The following TMEM151A variants were observed in gnomAD, a reference collection of about 807,000 sequenced individuals.
TMEM151A encodes the protein transmembrane protein 151.
Under a neutral mutation model 33.7 loss-of-function variants are expected in TMEM151A, and 21 were observed. The ratio of observed to expected loss-of-function variants is 0.62; its 90% confidence interval spans 0.44 to 0.90. TMEM151A has a LOEUF of 0.90. Ranked by LOEUF, TMEM151A falls within the 40% of genes least tolerant of loss-of-function variation. The pLI is 0.00. For synonymous variants in TMEM151A, 374 were observed against 330.3 expected (o/e 1.13, Z -1.43); for missense variants, 704 against 697.7 (o/e 1.01, Z -0.10).
rs1258835080 is a variant in TMEM151A, at chr11:66,296,583, G to A, written c.*930G>A. 2.0e-5 allele frequency: 3 copies of A among 152,586 alleles called. No individual in the cohort carries two copies. Among genetic ancestry groups the A allele is most frequent in the East Asian group, 1.9e-4 (1 of 5,180 alleles). 9.5% of individuals were successfully genotyped at this position (152,586 alleles called of 1,614,324 possible). On this transcript the variant is annotated 3_prime_UTR_variant, in exon 2 of 2. Coordinates refer to ENST00000327259, the MANE Select transcript of TMEM151A (RefSeq NM_153266.4). ...AGAGAGGAGTTCCTTCCCTTTCAACGAGGGCTTCCACGCCCTCTAAGGGGT... is the reference window on the plus strand; with the variant it reads ...AGAGAGGAGTTCCTTCCCTTTCAACAAGGGCTTCCACGCCCTCTAAGGGGT...
Position 66,295,231 on chromosome 11 carries a change from G to A in TMEM151A, c.985G>A (p.Val329Met), listed in dbSNP as rs774331814. ...FGASSPPPGA[V>M]PSGPPLSRVA... ...CGCCAGCTCGCCCCCGCCGGGGGCCGTGCCCAGCGGGCCCCCGCTGTCCCG... is the reference window on the plus strand; with the variant it reads ...CGCCAGCTCGCCCCCGCCGGGGGCCATGCCCAGCGGGCCCCCGCTGTCCCG... The change falls in exon 2 of 2, where the codon GTG becomes ATG. Residue 329 changes from valine to methionine, a missense_variant. Transcript: ENST00000327259. The A allele has an allele frequency of 1.3e-6, 2 of 1,563,864 alleles. No individual in the cohort carries two copies. Among genetic ancestry groups the A allele is most frequent in the East Asian group, 2.4e-5 (1 of 42,094 alleles).
At chr11:66,293,011 CGT>C (rs147445507) in intron 1 of TMEM151A, among the ~76,000 whole-genome samples, 7,767 of 151,460 alleles carry the variant, frequency 0.051, 277 homozygotes, top group Middle Eastern at 0.082. Flanking sequence ...GTGGTGTGTG[CGT>C]GTGTGTGTGT....
At chr11:66,294,223 G>A in intron 1 of TMEM151A, 99 bp from the exon 2 acceptor site, 10 of 1,523,214 alleles carry the variant, frequency 6.6e-6, no homozygotes, top group Non-Finnish European at 8.8e-6. Flanking sequence ...TGTAAAATGG[G>A]GCTCACGGTA....
At position 66,291,932 on chromosome 11, in the gene TMEM151A, C is replaced by CG; in HGVS notation, c.-77dup. On this transcript the variant is annotated 5_prime_UTR_variant, in exon 1 of 2. Coordinates refer to ENST00000327259, the MANE Select transcript of TMEM151A (RefSeq NM_153266.4). ...GGCCGCTGAGCCGAGCGGACGCCCC[C>CG]GGGGGCCGCGTCGCAGCCCTCCGTG... is the stretch of plus-strand genomic sequence containing the variant. The CG allele has an allele frequency of 8.7e-7, 1 of 1,154,482 alleles. No homozygotes were observed. Among genetic ancestry groups the CG allele is most frequent in the Non-Finnish European group, 1.2e-6 (1 of 866,024 alleles). 71.5% of individuals were successfully genotyped at this position (1,154,482 alleles called of 1,614,324 possible).
chr11:66,295,514 G>A lies in TMEM151A; in HGVS notation c.1268G>A (p.Ser423Asn). 7.2e-7 allele frequency: 1 copy of A among 1,394,424 alleles called. No individual in the cohort carries two copies. Among genetic ancestry groups the A allele is most frequent in the South Asian group, 1.7e-5 (1 of 60,082 alleles). The allele number at this position is 1,394,424 out of a possible 1,614,324, so 86.4% of individuals were successfully genotyped here. ...RATPGVFRSL[S>N]GGPLGRRGED... ...ACGCCAGGGGTCTTCCGCAGCCTGAGCGGGGGGCCGCTGGGGCGCCGTGGA... is the reference window on the plus strand; with the variant it reads ...ACGCCAGGGGTCTTCCGCAGCCTGAACGGGGGGCCGCTGGGGCGCCGTGGA... Residue 423 changes from serine to asparagine, a missense_variant, in exon 2 of 2, where the codon AGC (serine) becomes AAC (asparagine). By Grantham distance (46) the Ser-to-Asn change is conservative. Around this residue, in one of 3 missense-constraint regions of TMEM151A, gnomAD observed 398 missense variants for 356.0 expected, o/e 1.12. Transcript: ENST00000327259.
Position 66,295,600 on chromosome 11 carries a change from C to G in TMEM151A, c.1354C>G (p.Leu452Val), listed in dbSNP as rs763666824. Reference protein sequence around the residue: ...CYEDALYFPVLIVHGDSGCQG... With the variant: ...CYEDALYFPVVIVHGDSGCQG... ...TGAGGACGCCCTCTACTTCCCGGTG[C>G]TCATTGTCCACGGAGACAGCGGCTG... Residue 452 changes from leucine (L) to valine (V), a missense_variant, in exon 2 of 2, where the codon CTC (leucine) becomes GTC (valine). Around this residue, in one of 3 missense-constraint regions of TMEM151A, gnomAD observed 398 missense variants for 356.0 expected, o/e 1.12. Transcript: ENST00000327259. 1 of 1,546,104 alleles carries G rather than the reference C, an allele frequency of 6.5e-7. No individual in the cohort carries two copies. Among genetic ancestry groups the G allele is most frequent in the Admixed American group, 2.0e-5 (1 of 51,144 alleles).
At position 66,293,706 on chromosome 11, in the gene TMEM151A, C is replaced by T. The variant is rs550866396; in HGVS notation, c.76-616C>T. Among the ~76,000 whole-genome samples, 15 of 152,302 alleles carry T rather than the reference C, an allele frequency of 9.8e-5. No homozygotes were observed. In the East Asian group the frequency reaches 2.7e-3, roughly 27 times the overall value. ...ATGGTGATCATATTTATTCCCATGG[C>T]CAGACCCTGTGCTCACTTCTTCACA... On this transcript the variant is annotated intron_variant, in intron 1 of 1. Coordinates refer to ENST00000327259, the MANE Select transcript of TMEM151A (RefSeq NM_153266.4).
Position 66,294,983 on chromosome 11 carries a change from A to T in TMEM151A, c.737A>T (p.Asn246Ile). ...LTQRARFFSA[N>I]EGLDDYLEAR... ...CAGCGGGCGCGCTTCTTCAGCGCCA[A>T]CGAGGGCCTGGACGACTATCTGGAG... is the stretch of plus-strand genomic sequence containing the variant. Residue 246 changes from asparagine (N) to isoleucine (I), a missense_variant, in exon 2 of 2, where the codon AAC becomes ATC. Around this residue, in one of 3 missense-constraint regions of TMEM151A, gnomAD observed 398 missense variants for 356.0 expected, o/e 1.12. Coordinates refer to ENST00000327259, the MANE Select transcript of TMEM151A (RefSeq NM_153266.4). The T allele has an allele frequency of 6.3e-7, 1 of 1,584,954 alleles. No homozygotes were observed. Among genetic ancestry groups the T allele is most frequent in the Non-Finnish European group, 8.5e-7 (1 of 1,172,510 alleles).
In TMEM151A at chr11:66,296,604, G is replaced by C. The variant is rs1023023600; in HGVS notation, c.*951G>C. ...CAACGAGGGCTTCCACGCCCTCTAA[G>C]GGGTGGCGGGGAAGGGAGGAGGCTG... On this transcript the variant is annotated 3_prime_UTR_variant, in exon 2 of 2. Transcript: ENST00000327259. 6.6e-6 allele frequency: 1 copy of C among 152,652 alleles called. No individual in the cohort carries two copies. Among genetic ancestry groups the C allele is most frequent in the African/African-American group, 2.4e-5 (1 of 41,434 alleles). The allele number at this position is 152,652 out of a possible 1,614,324, so 9.5% of individuals were successfully genotyped here. A position where few individuals can be genotyped will look rare whatever the true frequency, so the allele number is the denominator to read the frequency against.
rs1327863331 is a variant in TMEM151A at position 66,294,798 on chromosome 11, T to C, written c.552T>C (p.Ala184=). ...CCACGCAGGTGTACCATGAGCGCGC[T>C]GACAGCCGCACGGCCCGCGGCGAGT... is the stretch of plus-strand genomic sequence containing the variant. The part of the protein sequence containing the change: ...YTTTQVYHER[A]DSRTARGEFD... Residue 184 remains alanine (A), a synonymous_variant, in exon 2 of 2, where the codon GCT becomes GCC. Transcript: ENST00000327259. 1 of 1,543,840 alleles carries C rather than the reference T, an allele frequency of 6.5e-7. No homozygotes were observed. The highest frequency in any genetic ancestry group is 2.4e-5 in the East Asian group (1 of 40,934).
Position 66,295,734 on chromosome 11 carries a change from C to A in TMEM151A, c.*81C>A. ...ATGCCCGAGTGATTGTTGTCCAAAACAGGCGGGAAAACAGACCAGCCACAC... is the reference window on the plus strand; with the variant it reads ...ATGCCCGAGTGATTGTTGTCCAAAAAAGGCGGGAAAACAGACCAGCCACAC... On this transcript the variant is annotated 3_prime_UTR_variant, in exon 2 of 2. Transcript: ENST00000327259. 1 of 1,291,218 alleles carries A rather than the reference C, an allele frequency of 7.7e-7. No individual in the cohort carries two copies. The highest frequency in any genetic ancestry group is 2.0e-5 in the South Asian group (1 of 48,860). The allele number at this position is 1,291,218 out of a possible 1,614,324, so 80.0% of individuals were successfully genotyped here. A position where few individuals can be genotyped will look rare whatever the true frequency, so the allele number is the denominator to read the frequency against.
In TMEM151A at chr11:66,294,371, A is replaced by G. The variant is rs1173672257; in HGVS notation, c.125A>G (p.His42Arg). 1 of 1,611,150 alleles carries G rather than the reference A, an allele frequency of 6.2e-7. No individual in the cohort carries two copies. Among genetic ancestry groups the G allele is most frequent in the Admixed American group, 1.7e-5 (1 of 60,010 alleles). The part of the protein sequence containing the change: ...SLGSSLCRES[H>R]WKCLLLTLLI... Reference sequence around the variant, plus strand: ...GGAAGCTCCCTGTGCCGCGAGTCGCACTGGAAGTGCCTGCTCCTCACGCTG... The same window carrying G: ...GGAAGCTCCCTGTGCCGCGAGTCGCGCTGGAAGTGCCTGCTCCTCACGCTG... Residue 42 changes from histidine (H) to arginine (R), a missense_variant, in exon 2 of 2, where the codon CAC becomes CGC. Around this residue, in one of 3 missense-constraint regions of TMEM151A, gnomAD observed 301 missense variants for 323.4 expected, o/e 0.93. Transcript: ENST00000327259.
At chr11:66,293,537 T>C (rs779953140) in intron 1 of TMEM151A, among the ~76,000 whole-genome samples, 10 of 151,218 alleles carry the variant, frequency 6.6e-5, no homozygotes, top group Non-Finnish European at 1.3e-4. Flanking sequence ...AGATGGGGAG[T>C]GGAGGATGGC....
chr11:66,292,177 G>A lies in TMEM151A; in HGVS notation c.75+89G>A. The A allele has an allele frequency of 8.7e-7, 1 of 1,146,304 alleles. No homozygotes were observed. The highest frequency in any genetic ancestry group is 1.1e-6 in the Non-Finnish European group (1 of 871,594). 71.0% of individuals were successfully genotyped at this position (1,146,304 alleles called of 1,614,324 possible). A position where few individuals can be genotyped will look rare whatever the true frequency, so the allele number is the denominator to read the frequency against. On this transcript the variant is annotated intron_variant, in intron 1 of 1. Transcript: ENST00000327259. This position sits in a 1 kb window ranked among gnomAD's most constrained non-coding sequence, Gnocchi z 4.7. Reference sequence around the variant, plus strand: ...CGACCCCAAGAGAGGGGCTGAGGAGGGAAGTCCCAGAGCCCCTACGGCCAA... The same window carrying A: ...CGACCCCAAGAGAGGGGCTGAGGAGAGAAGTCCCAGAGCCCCTACGGCCAA...
At chr11:66,293,395 C>T (rs1246909465) in intron 1 of TMEM151A, among the ~76,000 whole-genome samples, 2 of 152,104 alleles carry the variant, frequency 1.3e-5, no homozygotes, top group Non-Finnish European at 2.9e-5. Context: ...TCCCTACCTG[C>T]TTCTCTCTCC....
In TMEM151A at chr11:66,292,161, G is replaced by T. The variant is rs932149732; in HGVS notation, c.75+73G>T. ...GGACCAGTGCAAAAGGCGACCCCAA[G>T]AGAGGGGCTGAGGAGGGAAGTCCCA... On this transcript the variant is annotated intron_variant, in intron 1 of 1. Coordinates refer to ENST00000327259, the MANE Select transcript of TMEM151A (RefSeq NM_153266.4). This position sits in a 1 kb window ranked among gnomAD's most constrained non-coding sequence, Gnocchi z 4.7. 2.4e-6 allele frequency: 3 copies of T among 1,249,974 alleles called. No homozygotes were observed. Among genetic ancestry groups the T allele is most frequent in the Non-Finnish European group, 2.1e-6 (2 of 963,496 alleles). The allele number at this position is 1,249,974 out of a possible 1,614,324, so 77.4% of individuals were successfully genotyped here.
Position 66,295,734 on chromosome 11 carries a change from C to G in TMEM151A, c.*81C>G. The G allele has an allele frequency of 7.7e-7, 1 of 1,291,220 alleles. No individual in the cohort carries two copies. Among genetic ancestry groups the G allele is most frequent in the Non-Finnish European group, 1.0e-6 (1 of 998,258 alleles). 80.0% of individuals were successfully genotyped at this position (1,291,220 alleles called of 1,614,324 possible). On this transcript the variant is annotated 3_prime_UTR_variant, in exon 2 of 2. Transcript: ENST00000327259. ...ATGCCCGAGTGATTGTTGTCCAAAA[C>G]AGGCGGGAAAACAGACCAGCCACAC...
chr11:66,294,308 C>G lies in TMEM151A; in HGVS notation c.76-14C>G. 6.2e-7 allele frequency: 1 copy of G among 1,603,520 alleles called. No individual in the cohort carries two copies. Among genetic ancestry groups the G allele is most frequent in the Non-Finnish European group, 8.5e-7 (1 of 1,179,080 alleles). On this transcript the variant is annotated splice_polypyrimidine_tract_variant and intron_variant, in intron 1 of 1. Transcript: ENST00000327259. ...CCACCTGACACAGACTTCCCTTTCT[C>G]TGCCCACCTGCAGCAGCGGCCCCTG...
At position 66,294,992 on chromosome 11, in the gene TMEM151A, T is replaced by C; in HGVS notation, c.746T>C (p.Leu249Pro). ...RARFFSANEG[L>P]DDYLEAREGM... ...CGCTTCTTCAGCGCCAACGAGGGCC[T>C]GGACGACTATCTGGAGGCGCGCGAG... The change falls in exon 2 of 2, where the codon CTG (leucine) becomes CCG (proline). Residue 249 changes from leucine (L) to proline (P), a missense_variant. Coordinates refer to ENST00000327259, the MANE Select transcript of TMEM151A (RefSeq NM_153266.4). 1 of 1,590,232 alleles carries C rather than the reference T, an allele frequency of 6.3e-7. No homozygotes were observed. The highest frequency in any genetic ancestry group is 8.5e-7 in the Non-Finnish European group (1 of 1,174,988).
Sources: gnomAD v4.1 joint callset for allele counts (sites outside exome capture counted in the v4.1 genomes callset) on GRCh38, gnomAD v4.1.1 for gene constraint, gnomAD v4.1.1 regional missense constraint, Gnocchi (gnomAD v3.1) non-coding constraint, MANE v1.5 for transcripts, NCBI Gene and HGNC (gene_info 2026-07-23, HGNC 2026-07-21) for gene names.